ROBO2: variants seen among roughly 807,000 people sequenced by gnomAD.
The protein encoded by ROBO2 is roundabout guidance receptor 2, also known as roundabout homolog 2.
In ROBO2, 53 loss-of-function variants were observed where a neutral mutation model predicts 160.8. The ratio of observed to expected loss-of-function variants is 0.33; its 90% confidence interval spans 0.26 to 0.41. The LOEUF (loss-of-function observed/expected upper bound fraction) is 0.41, where lower values mean the gene tolerates loss of function less well. Ranked by LOEUF, ROBO2 falls within the 10% of genes least tolerant of loss-of-function variation. ROBO2 has a pLI of 1.00. For synonymous variants in ROBO2, 664 were observed against 611.7 expected (o/e 1.09, Z -1.26); for missense variants, 1,577 against 1,722.4 (o/e 0.92, Z 1.49).
chr3:75,978,434 G>A (rs984486643), intron 2 of ROBO2, among the ~76,000 whole-genome samples: 2 of 151,256 alleles, frequency 1.3e-5, no homozygotes, highest in Non-Finnish European at 3.0e-5. Flanking sequence ...TCAATTGATG[G>A]TGTTCACCAA....
intron 2 of ROBO2, among the ~76,000 whole-genome samples, chr3:76,797,447 A>T (rs1291808139): frequency 6.6e-6 from 1 of 152,140 alleles, no homozygotes; most frequent in African/African-American, 2.4e-5. Context: ...CAGTACTAAG[A>T]GGAAAGTTTA....
intron 2 of ROBO2, among the ~76,000 whole-genome samples, chr3:76,377,562 T>C (rs1483520153): frequency 6.6e-6 from 1 of 152,178 alleles, no homozygotes; most frequent in Admixed American, 6.5e-5. Flanking sequence ...ATTTTATCCC[T>C]GCTAATCTCC....
chr3:76,870,991 T>C (rs1005285967), intron 2 of ROBO2, among the ~76,000 whole-genome samples: 1 of 152,188 alleles, frequency 6.6e-6, no homozygotes, highest in Non-Finnish European at 1.5e-5. Flanking sequence ...ATCAAGCTAT[T>C]TAGCCCTCTG....
At chr3:77,232,371 A>G (rs1282213104) in intron 2 of ROBO2, among the ~76,000 whole-genome samples, 2 of 152,122 alleles carry the variant, frequency 1.3e-5, no homozygotes, top group African/African-American at 4.8e-5. Context: ...AGGCTGTTCT[A>G]TAAAGTCCTG....
At chr3:76,820,712 T>C (rs1401422602) in intron 2 of ROBO2, among the ~76,000 whole-genome samples, 3 of 151,996 alleles carry the variant, frequency 2.0e-5, no homozygotes, top group Non-Finnish European at 4.4e-5. Context: ...TGAGGTGGAT[T>C]GAAGTATGAG....
chr3:76,782,164 T>G (rs2062687009), intron 2 of ROBO2, among the ~76,000 whole-genome samples: 1 of 150,842 alleles, frequency 6.6e-6, no homozygotes, highest in African/African-American at 2.4e-5. Context: ...TTCAGAAGTA[T>G]ATTGCTTAAT....
intron 2 of ROBO2, among the ~76,000 whole-genome samples, chr3:76,885,030 C>A (rs4855992): frequency 0.11 from 16,791 of 152,052 alleles, 1,281 homozygotes; most frequent in Admixed American, 0.23. Flanking sequence ...GGATGCAAAT[C>A]GGCTGAAAAG....
At chr3:76,619,154 C>A (rs12494516) in intron 2 of ROBO2, among the ~76,000 whole-genome samples, 51,848 of 150,638 alleles carry the variant, frequency 0.34, 9,347 homozygotes, top group Middle Eastern at 0.42. Flanking sequence ...TCCTGGCTAA[C>A]ACGGTGAAAC....
intron 2 of ROBO2, among the ~76,000 whole-genome samples, chr3:76,981,044 G>A (rs1391237484): frequency 2.0e-5 from 3 of 152,122 alleles, no homozygotes; most frequent in Admixed American, 2.0e-4. Context: ...GCCTAATAAT[G>A]TTCCATTGCA....
In ROBO2 at chr3:76,704,764, G is replaced by A. The variant is rs764876930; in HGVS notation, c.110-393250G>A. 2.6e-5 allele frequency among the ~76,000 whole-genome samples: 4 copies of A among 152,052 alleles called. 1 individual carries two copies. ...CTGGGTATACACACTTATTCTTGCA[G>A]AAAGGTGCCAAAAATTAAGGTCATA... On this transcript the variant is annotated intron_variant, in intron 2 of 26. Transcript: ENST00000487694.
At chr3:76,417,174 G>T (rs2075790083) in intron 2 of ROBO2, among the ~76,000 whole-genome samples, 1 of 152,262 alleles carries the variant, frequency 6.6e-6, no homozygotes, top group Non-Finnish European at 1.5e-5. Context: ...GGTGTAGGCT[G>T]ACCACACAGC....
At chr3:76,339,983 C>T (rs1161663777) in intron 2 of ROBO2, among the ~76,000 whole-genome samples, 2 of 151,580 alleles carry the variant, frequency 1.3e-5, no homozygotes, top group Non-Finnish European at 2.9e-5. Context: ...TTCATCTTTA[C>T]TATAATCATC....
At chr3:77,425,109 A>G (rs745981019) in intron 2 of ROBO2, among the ~76,000 whole-genome samples, 3 of 152,062 alleles carry the variant, frequency 2.0e-5, no homozygotes, top group African/African-American at 2.4e-5. Context: ...TTCTCTATTG[A>G]ATTATTTTTA....
In ROBO2 at chr3:76,484,481, T is replaced by C. The variant is rs1366162204; in HGVS notation, c.109+546879T>C. On this transcript the variant is annotated intron_variant, in intron 2 of 26. Coordinates refer to the ROBO2 transcript ENST00000487694. ...CCACAGTCAAGTGGGGAGTCGGCTA[T>C]GCAGCACGGAAAGCTCAACAGAATG... Among the ~76,000 whole-genome samples the C allele has an allele frequency of 2.6e-5, 4 of 152,176 alleles. No homozygotes were observed. The East Asian group carries it at 7.7e-4, about 29-fold the overall frequency.
intron 17 of ROBO2, among the ~76,000 whole-genome samples, chr3:77,590,519 C>A (rs189032606): frequency 6.6e-6 from 1 of 152,130 alleles, no homozygotes; most frequent in East Asian, 1.9e-4. Flanking sequence ...TATTACATCT[C>A]TGTGATACAC....
intron 2 of ROBO2, among the ~76,000 whole-genome samples, chr3:76,102,226 T>G (rs1479169224): frequency 6.6e-6 from 1 of 152,222 alleles, no homozygotes; most frequent in Non-Finnish European, 1.5e-5. Context: ...TTTGAAGACT[T>G]GCGTGGAAAC....
At chr3:76,198,862 A>G (rs1004910412) in intron 2 of ROBO2, among the ~76,000 whole-genome samples, 1 of 152,126 alleles carries the variant, frequency 6.6e-6, no homozygotes, top group Non-Finnish European at 1.5e-5. Context: ...GAGGTGTCCC[A>G]CATTTCCAAA....
At chr3:75,909,801 A>G (rs750667670) in intron 1 of ROBO2, among the ~76,000 whole-genome samples, 47 of 152,238 alleles carry the variant, frequency 3.1e-4, no homozygotes, top group Non-Finnish European at 4.3e-4. Flanking sequence ...TAGATGAATT[A>G]GGAAGAAAGG....
At chr3:77,351,782 G>T (rs959464296) in intron 2 of ROBO2, among the ~76,000 whole-genome samples, 1 of 152,096 alleles carries the variant, frequency 6.6e-6, no homozygotes, top group Non-Finnish European at 1.5e-5. Context: ...AGTGGAAAGA[G>T]CACAACAATA....
Sources: allele counts gnomAD v4.1 joint callset (sites outside exome capture counted in the v4.1 genomes callset), GRCh38; gene constraint gnomAD v4.1.1; transcripts MANE v1.5; gene names NCBI Gene and HGNC (gene_info 2026-07-23, HGNC 2026-07-21).